Variants in EYA2 observed in about 807,000 individuals in gnomAD.
EYA2 encodes the protein EYA transcriptional coactivator and phosphatase 2.
Under a neutral mutation model 69.2 loss-of-function variants are expected in EYA2, and 31 were observed. The ratio of observed to expected loss-of-function variants is 0.45; its 90% CI spans 0.34 to 0.60. The LOEUF is 0.60. Among genes scored for constraint, EYA2 ranks in the 20% least tolerant of loss-of-function variants. The pLI, the probability that EYA2 is intolerant of heterozygous loss-of-function variation, is 0.02. For synonymous variants in EYA2, 257 were observed against 279.4 expected, an observed-to-expected ratio of 0.92 and a Z score of 0.80; for missense variants, 622 against 701.2, an observed-to-expected ratio of 0.89 and a Z score of 1.28.
intron 10 of EYA2, among the ~76,000 whole-genome samples, chr20:47,160,668 A>G (rs1004315101): frequency 6.6e-6 from 1 of 152,158 alleles, no homozygotes; most frequent in African/African-American, 2.4e-5. Context: ...GAAGGTGATC[A>G]GTGTGTACGC....
chr20:47,139,677 G>A (rs1370812900), intron 9 of EYA2, among the ~76,000 whole-genome samples: 1 of 152,060 alleles, frequency 6.6e-6, no homozygotes, highest in Non-Finnish European at 1.5e-5. Context: ...TGATCTACCC[G>A]CCTCGGCCTC....
rs79583540 is a variant in EYA2, at chr20:47,175,667, G to A, written c.1198+2800G>A. Among the ~76,000 whole-genome samples, 450 of 152,294 alleles carry A rather than the reference G, an allele frequency of 3.0e-3. 7 individuals are homozygous for A. Among genetic ancestry groups the A allele is most frequent in the Admixed American group, 0.026 (394 of 15,294 alleles). ...GAGGCCAAGCCTGGAGGAAAACGCCGAGGAAACAGCTTGAAGCACACTTCC... is the reference window on the plus strand; with the variant it reads ...GAGGCCAAGCCTGGAGGAAAACGCCAAGGAAACAGCTTGAAGCACACTTCC... On this transcript the variant is annotated intron_variant, in intron 12 of 15. Transcript: ENST00000327619.
chr20:47,035,280 G>A (rs978427652), intron 5 of EYA2, among the ~76,000 whole-genome samples: 2 of 152,116 alleles, frequency 1.3e-5, no homozygotes, highest in African/African-American at 2.4e-5. Flanking sequence ...AGACGGTGGC[G>A]GCAAAGATGG....
chr20:46,902,134 G>T (rs1421757817), intron 1 of EYA2, among the ~76,000 whole-genome samples: 1 of 152,180 alleles, frequency 6.6e-6, no homozygotes, highest in Non-Finnish European at 1.5e-5. Flanking sequence ...CAGAGAGGTT[G>T]GGGGTTTGCT....
intron 1 of EYA2, among the ~76,000 whole-genome samples, chr20:46,948,397 C>A (rs1341154045): frequency 6.6e-6 from 1 of 152,160 alleles, no homozygotes; most frequent in Non-Finnish European, 1.5e-5. Context: ...GTTGCCAACC[C>A]TGGTCTACTC....
chr20:47,000,859 C>T (rs1043025260), intron 2 of EYA2, among the ~76,000 whole-genome samples: 1 of 152,098 alleles, frequency 6.6e-6, no homozygotes, highest in Non-Finnish European at 1.5e-5. Context: ...GGGCCAGCTG[C>T]ACCTGCACTC....
chr20:46,944,694 C>G (rs1322119339), intron 1 of EYA2, among the ~76,000 whole-genome samples: 1 of 152,104 alleles, frequency 6.6e-6, no homozygotes, highest in Non-Finnish European at 1.5e-5. Flanking sequence ...TGTCTCACAT[C>G]TTACCTAATT....
intron 1 of EYA2, among the ~76,000 whole-genome samples, chr20:46,987,668 C>T (rs928003599): frequency 1.4e-4 from 21 of 152,060 alleles, no homozygotes; most frequent in African/African-American, 4.6e-4. Flanking sequence ...GGCTCACACC[C>T]GTAATCCCAA....
At chr20:46,984,389 A>T (rs921770941) in intron 1 of EYA2, among the ~76,000 whole-genome samples, 1 of 152,184 alleles carries the variant, frequency 6.6e-6, no homozygotes, top group Non-Finnish European at 1.5e-5. Context: ...AAGAAAAAAA[A>T]AAAATAGAAA....
intron 1 of EYA2, among the ~76,000 whole-genome samples, chr20:46,962,034 T>C (rs969329195): frequency 4.6e-5 from 7 of 152,228 alleles, no homozygotes; most frequent in Non-Finnish European, 1.0e-4. Context: ...TTTCTTTCTT[T>C]TCTTTTTCTT....
intron 10 of EYA2, among the ~76,000 whole-genome samples, chr20:47,156,183 T>TTA (rs2033946917): frequency 1.1e-5 from 1 of 92,124 alleles, no homozygotes; most frequent in South Asian, 4.5e-4. Context: ...TATATATATA[T>TTA]ATTAGCCGGG....
At chr20:47,064,062 A>C (rs369536006) in intron 5 of EYA2, among the ~76,000 whole-genome samples, 47 of 152,236 alleles carry the variant, frequency 3.1e-4, no homozygotes, top group African/African-American at 1.1e-3. Context: ...CTCAGATGAT[A>C]TTCCTACCAC....
chr20:47,085,979 A>G (rs1011315735), intron 7 of EYA2, among the ~76,000 whole-genome samples: 3 of 152,196 alleles, frequency 2.0e-5, no homozygotes, highest in Admixed American at 2.0e-4. Flanking sequence ...AAATATGTCT[A>G]GTTTATTGTA....
chr20:47,164,696 C>G (rs954448403), intron 10 of EYA2, among the ~76,000 whole-genome samples: 1 of 152,094 alleles, frequency 6.6e-6, no homozygotes, highest in Non-Finnish European at 1.5e-5. Flanking sequence ...GTAACGTAAA[C>G]TGAAGCAAGC....
At chr20:47,171,052 C>T (rs2034310327) in intron 11 of EYA2, among the ~76,000 whole-genome samples, 1 of 152,240 alleles carries the variant, frequency 6.6e-6, no homozygotes, top group Non-Finnish European at 1.5e-5. Flanking sequence ...TCCAGCCCCA[C>T]CAGGACTTCT....
At chr20:47,165,455 C>T (rs1174296738) in intron 10 of EYA2, among the ~76,000 whole-genome samples, 1 of 152,188 alleles carries the variant, frequency 6.6e-6, no homozygotes, top group African/African-American at 2.4e-5. Context: ...TTAGCATCCA[C>T]TGTGTTCTTG....
chr20:46,930,142 C>A (rs1322294929), intron 1 of EYA2, among the ~76,000 whole-genome samples: 5 of 152,206 alleles, frequency 3.3e-5, no homozygotes, highest in Non-Finnish European at 7.3e-5. Context: ...GGAACAGTTA[C>A]AAGTTGACTG....
At chr20:47,080,445 GGAGGGAGGGAAAT>G (rs1367873487) in intron 7 of EYA2, among the ~76,000 whole-genome samples, 54 of 113,658 alleles carry the variant, frequency 4.8e-4, no homozygotes, top group African/African-American at 1.7e-3. Context: ...GAGGGAGGGG[GGAGGGAGGGAAAT>G]GAGGGAGGGA....
At chr20:47,067,032 T>C (rs1285112385) in intron 5 of EYA2, among the ~76,000 whole-genome samples, 6 of 152,192 alleles carry the variant, frequency 3.9e-5, no homozygotes, top group Non-Finnish European at 8.8e-5. Flanking sequence ...GCAGGCACTC[T>C]GTGGCTGCCC....
Sources: allele counts gnomAD v4.1 joint callset (sites outside exome capture counted in the v4.1 genomes callset), GRCh38; gene constraint gnomAD v4.1.1; transcripts MANE v1.5; gene names NCBI Gene and HGNC (gene_info 2026-07-23, HGNC 2026-07-21).